Variants in KCNIP4 observed in about 807,000 individuals in gnomAD.
KCNIP4 encodes Kv channel-interacting protein 4.
A neutral mutation model predicts 34.0 loss-of-function variants in KCNIP4; 12 were observed. The ratio of observed to expected loss-of-function variants is 0.35; its 90% CI spans 0.23 to 0.57. KCNIP4 has a LOEUF of 0.57. Ranked by LOEUF, KCNIP4 falls within the 20% of genes least tolerant of loss-of-function variation. KCNIP4 has a pLI of 0.83. For synonymous variants in KCNIP4, 124 were observed against 102.2 expected (o/e 1.21, Z -1.29); for missense variants, 238 against 311.7 (o/e 0.76, Z 1.78).
At chr4:20,889,778 A>C (rs1312007004) in intron 1 of KCNIP4, among the ~76,000 whole-genome samples, 7 of 151,624 alleles carry the variant, frequency 4.6e-5, no homozygotes, top group African/African-American at 1.7e-4. Context: ...AAAAAAAAAA[A>C]AAAACAAAAT....
chr4:20,908,500 T>G (rs1295837397), intron 1 of KCNIP4, among the ~76,000 whole-genome samples: 1 of 152,258 alleles, frequency 6.6e-6, no homozygotes, highest in African/African-American at 2.4e-5. Context: ...TGTTTCTTTA[T>G]GTCTTGAAGC....
chr4:20,990,592 G>A (rs1737003207), intron 1 of KCNIP4, among the ~76,000 whole-genome samples: 2 of 152,210 alleles, frequency 1.3e-5, no homozygotes, highest in African/African-American at 4.8e-5. Context: ...AGCATGTATA[G>A]TATGTAATCT....
intron 1 of KCNIP4, among the ~76,000 whole-genome samples, chr4:20,996,190 C>T (rs796604351): frequency 3.3e-5 from 5 of 152,346 alleles, no homozygotes; most frequent in African/African-American, 1.2e-4. Flanking sequence ...CTCACTAACC[C>T]TGCTAACATA....
At chr4:21,614,063 T>G (rs1333673918) in intron 1 of KCNIP4, among the ~76,000 whole-genome samples, 1 of 151,310 alleles carries the variant, frequency 6.6e-6, no homozygotes, top group Non-Finnish European at 1.5e-5. Context: ...GGCAAAAGCT[T>G]AAACTCAAGA....
intron 1 of KCNIP4, among the ~76,000 whole-genome samples, chr4:21,113,975 T>C (rs2109112672): frequency 6.6e-6 from 1 of 152,328 alleles, no homozygotes; most frequent in African/African-American, 2.4e-5. Flanking sequence ...TTTCTCTGCT[T>C]TTTCTTTTGG....
At chr4:21,385,931 T>C (rs970400134) in intron 1 of KCNIP4, among the ~76,000 whole-genome samples, 5 of 152,090 alleles carry the variant, frequency 3.3e-5, no homozygotes, top group Non-Finnish European at 7.3e-5. Flanking sequence ...AAACAAGTGA[T>C]TGAGTAGATA....
chr4:21,896,774 C>T (rs1029787242), intron 1 of KCNIP4, among the ~76,000 whole-genome samples: 2 of 151,986 alleles, frequency 1.3e-5, no homozygotes, highest in African/African-American at 4.8e-5. Flanking sequence ...CAAAAATTAG[C>T]TGGGTGTGGT....
chr4:21,517,621 G>A (rs1734871670), intron 1 of KCNIP4, among the ~76,000 whole-genome samples: 1 of 151,912 alleles, frequency 6.6e-6, no homozygotes, highest in African/African-American at 2.4e-5. Context: ...TGCCTAATAC[G>A]AGTCATTACA....
intron 1 of KCNIP4, among the ~76,000 whole-genome samples, chr4:21,784,749 C>T (rs541762510): frequency 6.6e-6 from 1 of 152,272 alleles, no homozygotes; most frequent in Non-Finnish European, 1.5e-5. Flanking sequence ...TCAAAGAGTA[C>T]ACCTCCTGGC....
At chr4:21,406,652 T>C (rs923258595) in intron 1 of KCNIP4, among the ~76,000 whole-genome samples, 3 of 152,230 alleles carry the variant, frequency 2.0e-5, no homozygotes, top group Admixed American at 6.5e-5. Flanking sequence ...AATTGAGTTT[T>C]GTGCTGAATT....
chr4:21,286,802 G>A (rs1292497844), intron 1 of KCNIP4, among the ~76,000 whole-genome samples: 2 of 152,130 alleles, frequency 1.3e-5, no homozygotes, highest in Admixed American at 6.5e-5. Flanking sequence ...ACAAATTATA[G>A]CATGTAAACC....
rs190778102 is a variant in KCNIP4 at position 20,834,973 on chromosome 4, C to T, written c.288+15570G>A. ...GAGGCTTTCAGGTGCTTCTCTCTTA[C>T]GAGGCCTGGTACTAATGTTTTCATT... On this transcript the variant is annotated intron_variant, in intron 3 of 8. Transcript: ENST00000382152. 1.6e-3 allele frequency among the ~76,000 whole-genome samples: 249 copies of T among 152,240 alleles called. 1 individual carries two copies. Among genetic ancestry groups the T allele is most frequent in the Non-Finnish European group, 3.0e-3 (203 of 68,008 alleles).
At chr4:21,379,520 G>A (rs573721601) in intron 1 of KCNIP4, among the ~76,000 whole-genome samples, 1 of 152,222 alleles carries the variant, frequency 6.6e-6, no homozygotes, top group Non-Finnish European at 1.5e-5. Context: ...TTACTACTAG[G>A]TGGGAGAGTT....
Position 21,396,791 on chromosome 4 carries a change from C to T in KCNIP4, c.62-514082G>A, listed in dbSNP as rs1046042779. Among the ~76,000 whole-genome samples, 75 of 152,008 alleles carry T rather than the reference C, an allele frequency of 4.9e-4. 1 individual carries two copies. Among genetic ancestry groups the T allele is most frequent in the Admixed American group, 3.7e-3 (56 of 15,242 alleles). On this transcript the variant is annotated intron_variant, in intron 1 of 8. Coordinates refer to ENST00000382152, the MANE Select transcript of KCNIP4 (RefSeq NM_025221.6). Reference sequence around the variant, plus strand: ...ATGAGAAGCCATGAACTGAAGGCTACGGTCAGACTTCAGAAGCTGGAAGAA... The same window carrying T: ...ATGAGAAGCCATGAACTGAAGGCTATGGTCAGACTTCAGAAGCTGGAAGAA...
rs1426476395 is a variant in KCNIP4, at chr4:20,996,199, T to C, written c.62-113490A>G. Among the ~76,000 whole-genome samples, 14 of 152,360 alleles carry C rather than the reference T, an allele frequency of 9.2e-5. No individual in the cohort carries two copies. In the East Asian group the frequency reaches 2.3e-3, roughly 25 times the overall value. ...CCAATTCTCACTAACCCTGCTAACATAGCCGTAGGCCCAAGCCACCACTCA... is the reference window on the plus strand; with the variant it reads ...CCAATTCTCACTAACCCTGCTAACACAGCCGTAGGCCCAAGCCACCACTCA... On this transcript the variant is annotated intron_variant, in intron 1 of 8. Transcript: ENST00000382152.
At chr4:21,105,202 A>G (rs1384210381) in intron 1 of KCNIP4, among the ~76,000 whole-genome samples, 2 of 151,514 alleles carry the variant, frequency 1.3e-5, no homozygotes, top group Admixed American at 6.6e-5. Context: ...GGCCATTTTC[A>G]TGATATTGAT....
intron 1 of KCNIP4, among the ~76,000 whole-genome samples, chr4:21,418,686 G>A (rs1292415630): frequency 6.6e-6 from 1 of 152,124 alleles, no homozygotes; most frequent in Non-Finnish European, 1.5e-5. Flanking sequence ...TGCCATGTAA[G>A]CAAATGTCTT....
intron 2 of KCNIP4, among the ~76,000 whole-genome samples, chr4:20,864,099 C>T (rs968371561): frequency 3.1e-4 from 45 of 147,020 alleles, no homozygotes; most frequent in African/African-American, 9.6e-4. Flanking sequence ...TGCATGTATA[C>T]GTATGTATGT....
chr4:20,903,086 C>T (rs1052091077), intron 1 of KCNIP4, among the ~76,000 whole-genome samples: 4 of 151,992 alleles, frequency 2.6e-5, no homozygotes, highest in African/African-American at 9.7e-5. Flanking sequence ...GAGGCCTATA[C>T]CGGGATGCTG....
Sources: gnomAD v4.1 joint callset for allele counts (sites outside exome capture counted in the v4.1 genomes callset) on GRCh38, gnomAD v4.1.1 for gene constraint, MANE v1.5 for transcripts, NCBI Gene and HGNC (gene_info 2026-07-23, HGNC 2026-07-21) for gene names.